The following ROBO1 variants were observed in gnomAD, a reference collection of about 807,000 sequenced individuals.
ROBO1 encodes roundabout homolog 1.
ROBO1 carries 149 observed loss-of-function variants against 195.9 expected under a neutral mutation model. That is an observed-to-expected ratio of 0.76 (90% CI 0.67 to 0.87). ROBO1 has a LOEUF of 0.87. Among genes scored for constraint, ROBO1 ranks in the 40% least tolerant of loss-of-function variants. The probability of loss-of-function intolerance (pLI) is 0.00; values close to 1 mark genes in which losing one functional copy is unlikely to be tolerated. For synonymous variants in ROBO1, 816 were observed against 733.2 expected (o/e 1.11, Z -1.82); for missense variants, 1,933 against 2,068.3 (o/e 0.93, Z 1.27).
chr3:79,751,822 A>T (rs1428830888), intron 1 of ROBO1, among the ~76,000 whole-genome samples: 1 of 152,156 alleles, frequency 6.6e-6, no homozygotes, highest in Non-Finnish European at 1.5e-5. Flanking sequence ...TTAGACAACC[A>T]TTATACTTTT....
At chr3:79,350,203 C>T (rs1394030832) in intron 2 of ROBO1, among the ~76,000 whole-genome samples, 1 of 152,038 alleles carries the variant, frequency 6.6e-6, no homozygotes, top group Non-Finnish European at 1.5e-5. Flanking sequence ...AGATGCTTAA[C>T]GTCATTAGTG....
At chr3:79,107,125 TCTCACACA>T (rs1345996096) in intron 3 of ROBO1, among the ~76,000 whole-genome samples, 5 of 136,542 alleles carry the variant, frequency 3.7e-5, no homozygotes, top group East Asian at 4.2e-4. Context: ...TCTCTCTCTC[TCTCACACA>T]CACACACACA....
At chr3:78,609,871 C>G (rs1011965327) in intron 28 of ROBO1, among the ~76,000 whole-genome samples, 1 of 152,066 alleles carries the variant, frequency 6.6e-6, no homozygotes, top group Admixed American at 6.6e-5. Context: ...ATAAATGAAA[C>G]TTTTTTGTTC....
chr3:78,745,564 G>A (rs755871612), intron 5 of ROBO1, among the ~76,000 whole-genome samples: 2 of 151,952 alleles, frequency 1.3e-5, no homozygotes, highest in African/African-American at 2.4e-5. Flanking sequence ...TTGTTTCTTC[G>A]CTCTATTTCT....
rs1010099494 is a variant in ROBO1, at chr3:79,685,733, GA to G, written c.-51+82018del. ...CACTCAAGCTTGGTAAAGAGGGATG[GA>G]AATAAGGCTACAAAAGTCCAGGACC... On this transcript the variant is annotated intron_variant, in intron 1 of 30. Transcript: ENST00000464233. 2.0e-5 allele frequency among the ~76,000 whole-genome samples: 3 copies of G among 152,120 alleles called. No homozygotes were observed. The East Asian group carries it at 5.8e-4, about 30-fold the overall frequency.
intron 2 of ROBO1, among the ~76,000 whole-genome samples, chr3:79,499,996 T>A (rs1273855876): frequency 1.3e-5 from 2 of 151,570 alleles, no homozygotes; most frequent in African/African-American, 4.9e-5. Flanking sequence ...TTACTAGAGA[T>A]GGGGTTACAC....
intron 14 of ROBO1, 76 bp from the exon 15 acceptor site, chr3:78,662,190 T>C: frequency 3.6e-6 from 5 of 1,396,494 alleles, no homozygotes; most frequent in South Asian, 1.4e-5. Flanking sequence ...TGAAACAAAC[T>C]GTTCATTCAT....
chr3:79,137,019 G>A (rs1253147831), intron 2 of ROBO1, among the ~76,000 whole-genome samples: 1 of 152,066 alleles, frequency 6.6e-6, no homozygotes, highest in Non-Finnish European at 1.5e-5. Flanking sequence ...GCAGCAATAT[G>A]AGAACAGAAA....
chr3:79,599,964 T>C (rs1471181950), intron 1 of ROBO1, among the ~76,000 whole-genome samples: 2 of 152,048 alleles, frequency 1.3e-5, no homozygotes, highest in East Asian at 3.9e-4. Flanking sequence ...TTTTTCAAAA[T>C]GAATGTCCAA....
chr3:79,633,889 G>C (rs1945420247), intron 1 of ROBO1, among the ~76,000 whole-genome samples: 1 of 152,094 alleles, frequency 6.6e-6, no homozygotes, highest in Non-Finnish European at 1.5e-5. Flanking sequence ...GATATAATCT[G>C]ATTGTAGCTG....
intron 26 of ROBO1, among the ~76,000 whole-genome samples, chr3:78,618,411 C>G (rs1704253972): frequency 6.6e-6 from 1 of 152,152 alleles, no homozygotes; most frequent in South Asian, 2.1e-4. Flanking sequence ...CATAGTTTAT[C>G]ATTACTGAAG....
intron 3 of ROBO1, among the ~76,000 whole-genome samples, chr3:79,045,858 TACAC>T (rs1230729561): frequency 6.6e-6 from 1 of 152,162 alleles, no homozygotes; most frequent in Non-Finnish European, 1.5e-5. Context: ...TCCTTAATAC[TACAC>T]AAGAGATTCG....
chr3:79,028,577 T>C (rs550058268), intron 3 of ROBO1, among the ~76,000 whole-genome samples: 2 of 152,068 alleles, frequency 1.3e-5, no homozygotes, highest in South Asian at 4.1e-4. Flanking sequence ...TCTTAGTAAA[T>C]TTCATTTTAA....
intron 3 of ROBO1, among the ~76,000 whole-genome samples, chr3:79,056,143 C>T (rs981394370): frequency 2.6e-5 from 4 of 152,030 alleles, no homozygotes; most frequent in Non-Finnish European, 5.9e-5. Flanking sequence ...TTTCATCTTG[C>T]TCTACATAAA....
At chr3:79,157,605 C>A (rs2080881381) in intron 2 of ROBO1, among the ~76,000 whole-genome samples, 1 of 151,996 alleles carries the variant, frequency 6.6e-6, no homozygotes, top group South Asian at 2.1e-4. Context: ...AAACTAGGTT[C>A]TTGGTCCAGA....
chr3:79,073,342 C>T (rs905206664), intron 3 of ROBO1, among the ~76,000 whole-genome samples: 4 of 151,862 alleles, frequency 2.6e-5, no homozygotes, highest in African/African-American at 9.7e-5. Context: ...TGAGGCCATA[C>T]TATTTGTAGA....
chr3:79,007,908 T>A (rs2077664599), intron 3 of ROBO1, among the ~76,000 whole-genome samples: 1 of 152,206 alleles, frequency 6.6e-6, no homozygotes, highest in Admixed American at 6.5e-5. Context: ...AAAGAATGAA[T>A]GAGATTATTA....
chr3:79,608,960 C>A (rs1402541264), intron 1 of ROBO1, among the ~76,000 whole-genome samples: 1 of 151,890 alleles, frequency 6.6e-6, no homozygotes, highest in Non-Finnish European at 1.5e-5. Flanking sequence ...AAGGAGATGT[C>A]TTACAGTGTT....
At chr3:78,991,423 C>T (rs981862558) in intron 3 of ROBO1, among the ~76,000 whole-genome samples, 1 of 152,186 alleles carries the variant, frequency 6.6e-6, no homozygotes, top group Non-Finnish European at 1.5e-5. Context: ...ACTGAAGACA[C>T]AGATTAATTG....
Sources: allele counts gnomAD v4.1 joint callset (sites outside exome capture counted in the v4.1 genomes callset), GRCh38; gene constraint gnomAD v4.1.1; transcripts MANE v1.5; gene names NCBI Gene and HGNC (gene_info 2026-07-23, HGNC 2026-07-21).